Variants in SLC2A13 observed in about 807,000 individuals in gnomAD.
SLC2A13 encodes proton myo-inositol cotransporter.
In SLC2A13, 32 loss-of-function variants were observed where a neutral mutation model predicts 64.4. The ratio of observed to expected loss-of-function variants is 0.50; its 90% CI spans 0.37 to 0.67. SLC2A13 has a LOEUF of 0.67. Among genes scored for constraint, SLC2A13 ranks in the 30% least tolerant of loss-of-function variants. SLC2A13 has a pLI of 0.00. For missense variants in SLC2A13, 743 were observed against 829.2 expected (o/e 0.90, Z 1.28); for synonymous variants, 338 against 327.1 (o/e 1.03, Z -0.36).
At chr12:40,078,344 G>C (rs973331115) in intron 1 of SLC2A13, among the ~76,000 whole-genome samples, 11 of 152,042 alleles carry the variant, frequency 7.2e-5, no homozygotes, top group Non-Finnish European at 1.2e-4. Flanking sequence ...ACTTTGTTGA[G>C]GGTTTTTTTA....
At chr12:39,957,973 A>G in intron 3 of SLC2A13, among the ~76,000 whole-genome samples, 1 of 152,224 alleles carries the variant, frequency 6.6e-6, no homozygotes, top group Non-Finnish European at 1.5e-5. Context: ...GTACATATAC[A>G]GTATTATGAG....
In SLC2A13 at chr12:40,060,883, G is replaced by T. The variant is rs76171380; in HGVS notation, c.557-12673C>A. ...TTTTAAAGTCATTAACAGTTATCTTGTGGTGCATAAATGCAAGCTCAAGAG... is the reference window on the plus strand; with the variant it reads ...TTTTAAAGTCATTAACAGTTATCTTTTGGTGCATAAATGCAAGCTCAAGAG... On this transcript the variant is annotated intron_variant, in intron 1 of 9. Transcript: ENST00000280871. 1.4e-3 allele frequency among the ~76,000 whole-genome samples: 208 copies of T among 152,256 alleles called. 1 individual carries two copies. The East Asian group carries it at 0.017, about 13-fold the overall frequency.
intron 3 of SLC2A13, among the ~76,000 whole-genome samples, chr12:39,971,013 T>A (rs1946638023): frequency 6.6e-6 from 1 of 152,216 alleles, no homozygotes; most frequent in South Asian, 2.1e-4. Flanking sequence ...TGTTTAAGCC[T>A]TTACGGTCAC....
chr12:40,011,094 C>T lies in SLC2A13; in HGVS notation c.925+17207G>A, dbSNP rs548299221. Among the ~76,000 whole-genome samples the T allele has an allele frequency of 6.6e-5, 10 of 152,320 alleles. No homozygotes were observed. In the South Asian group the frequency reaches 1.5e-3, roughly 22 times the overall value. ...CTACGATCCAGGCTACAGCCAGAGG[C>T]TCAACTAACTTTTGAGTAACCTCCC... On this transcript the variant is annotated intron_variant, in intron 3 of 9. Coordinates refer to ENST00000280871, the MANE Select transcript of SLC2A13 (RefSeq NM_052885.4).
chr12:39,896,138 G>A (rs1944828579), intron 4 of SLC2A13, among the ~76,000 whole-genome samples: 1 of 144,232 alleles, frequency 6.9e-6, no homozygotes. Flanking sequence ...GTATACACGT[G>A]TACCTATATA....
At chr12:40,014,216 A>G (rs1211506636) in intron 3 of SLC2A13, among the ~76,000 whole-genome samples, 1 of 152,230 alleles carries the variant, frequency 6.6e-6, no homozygotes, top group Non-Finnish European at 1.5e-5. Flanking sequence ...AGAGGTAAAC[A>G]AAACTCACCC....
In SLC2A13 at chr12:40,105,810, G is replaced by C; in HGVS notation, c.-2C>G. On this transcript the variant is annotated 5_prime_UTR_variant, in exon 1 of 10. Coordinates refer to ENST00000280871, the MANE Select transcript of SLC2A13 (RefSeq NM_052885.4). This position sits in a 1 kb window ranked among gnomAD's most constrained non-coding sequence, Gnocchi z 4.2. ...ATTCTCGCTTGCCTTGCGGGACATA[G>C]GGCAGGGGCCCGGGGCTGCCCGGGG... 6.8e-7 allele frequency: 1 copy of C among 1,466,856 alleles called. No individual in the cohort carries two copies. Among genetic ancestry groups the C allele is most frequent in the South Asian group, 1.3e-5 (1 of 74,894 alleles). The allele number at this position is 1,466,856 out of a possible 1,614,324, so 90.9% of individuals were successfully genotyped here.
chr12:39,940,660 C>G (rs935907926), intron 4 of SLC2A13, among the ~76,000 whole-genome samples: 1 of 151,654 alleles, frequency 6.6e-6, no homozygotes. Context: ...TTTTTTAGCA[C>G]ACAAAAAGCC....
At chr12:39,815,172 T>A (rs1456049614) in intron 7 of SLC2A13, among the ~76,000 whole-genome samples, 1 of 152,150 alleles carries the variant, frequency 6.6e-6, no homozygotes, top group African/African-American at 2.4e-5. Context: ...ATTCTCTACA[T>A]TATACCAGAG....
At chr12:40,092,923 C>A (rs1938814365) in intron 1 of SLC2A13, among the ~76,000 whole-genome samples, 1 of 152,172 alleles carries the variant, frequency 6.6e-6, no homozygotes, top group African/African-American at 2.4e-5. Context: ...TCCCTCTTCC[C>A]ACAAATCTGT....
At position 39,797,765 on chromosome 12, in the gene SLC2A13, C is replaced by CAT. The variant is rs566746325; in HGVS notation, c.1445+32337_1445+32338insAT. ...ACACACACACACACACACACACACA[C>CAT]ACACACACACATACACGGATGCATA... On this transcript the variant is annotated intron_variant, in intron 7 of 9. Transcript: ENST00000280871. 4.7e-3 allele frequency among the ~76,000 whole-genome samples: 716 copies of CAT among 152,132 alleles called. 18 individuals carry two copies. Among genetic ancestry groups the CAT allele is most frequent in the Non-Finnish European group, 1.3e-3 (90 of 68,002 alleles).
chr12:39,912,903 G>C (rs528239676), intron 4 of SLC2A13, among the ~76,000 whole-genome samples: 2 of 152,194 alleles, frequency 1.3e-5, no homozygotes, highest in East Asian at 3.9e-4. Context: ...AATGAGTAAA[G>C]AAACAGAATA....
At chr12:39,952,898 C>T (rs112568806) in intron 3 of SLC2A13, among the ~76,000 whole-genome samples, 1,660 of 152,222 alleles carry the variant, frequency 0.011, 15 homozygotes, top group Non-Finnish European at 0.014. Context: ...ATACAGATAC[C>T]TGCAAGTGAC....
chr12:39,944,782 C>T (rs762965018), intron 4 of SLC2A13, among the ~76,000 whole-genome samples: 3 of 152,166 alleles, frequency 2.0e-5, no homozygotes, highest in Non-Finnish European at 4.4e-5. Flanking sequence ...TCTGTGAGTT[C>T]TTATGCATTC....
chr12:39,848,362 A>G (rs1470578879), intron 6 of SLC2A13, among the ~76,000 whole-genome samples: 2 of 152,224 alleles, frequency 1.3e-5, no homozygotes, highest in Non-Finnish European at 2.9e-5. Flanking sequence ...AAGTGGACAA[A>G]GGACATGAAC....
intron 3 of SLC2A13, among the ~76,000 whole-genome samples, chr12:40,007,814 T>G (rs1054533039): frequency 2.6e-5 from 4 of 152,170 alleles, no homozygotes; most frequent in African/African-American, 9.7e-5. Flanking sequence ...ATAGAAGCCA[T>G]TAAATATGAG....
chr12:39,978,557 G>A (rs905159393), intron 3 of SLC2A13, among the ~76,000 whole-genome samples: 2 of 152,230 alleles, frequency 1.3e-5, no homozygotes, highest in Admixed American at 6.5e-5. Flanking sequence ...AAAGAAAGGG[G>A]TGACGGATGC....
intron 6 of SLC2A13, among the ~76,000 whole-genome samples, chr12:39,840,024 C>CT (rs766180389): frequency 5.3e-5 from 8 of 151,330 alleles, no homozygotes; most frequent in Admixed American, 6.6e-5. Flanking sequence ...ACTCTCCATT[C>CT]TTTTTTTTTG....
chr12:39,878,373 G>A (rs974717931), intron 4 of SLC2A13, among the ~76,000 whole-genome samples: 3 of 152,220 alleles, frequency 2.0e-5, no homozygotes, highest in African/African-American at 4.8e-5. Context: ...CGACTAAATG[G>A]TTGTGACCAA....
Sources: allele counts gnomAD v4.1 joint callset (sites outside exome capture counted in the v4.1 genomes callset), GRCh38; gene constraint gnomAD v4.1.1; non-coding constraint Gnocchi (gnomAD v3.1); transcripts MANE v1.5; gene names NCBI Gene and HGNC (gene_info 2026-07-23, HGNC 2026-07-21).